The following CNTNAP4 variants were observed in gnomAD, a reference collection of about 807,000 sequenced individuals.
The protein encoded by CNTNAP4 is contactin associated protein family member 4.
A neutral mutation model predicts 148.4 loss-of-function variants in CNTNAP4; 98 were observed. The ratio of observed to expected loss-of-function variants is 0.66; its 90% confidence interval spans 0.56 to 0.78. The LOEUF is 0.78. Among genes scored for constraint, CNTNAP4 ranks in the 30% least tolerant of loss-of-function variants. CNTNAP4 has a pLI of 0.00. For synonymous variants in CNTNAP4, 730 were observed against 565.1 expected, an observed-to-expected ratio of 1.29 and a Z score of -4.14; for missense variants, 1,935 against 1,565.6, an observed-to-expected ratio of 1.24 and a Z score of -3.98.
intron 3 of CNTNAP4, among the ~76,000 whole-genome samples, chr16:76,410,631 A>G (rs2078759465): frequency 6.6e-6 from 1 of 151,728 alleles, no homozygotes; most frequent in South Asian, 2.1e-4. Context: ...GAATAGGTTA[A>G]GCCCTGATTA....
intron 3 of CNTNAP4, among the ~76,000 whole-genome samples, chr16:76,358,032 T>C (rs913787432): frequency 6.6e-6 from 1 of 152,138 alleles, no homozygotes; most frequent in Non-Finnish European, 1.5e-5. Context: ...ATCAAAAGTT[T>C]ATGTTAACTC....
chr16:76,297,028 G>A (rs1959381482), intron 1 of CNTNAP4, among the ~76,000 whole-genome samples: 1 of 152,144 alleles, frequency 6.6e-6, no homozygotes, highest in African/African-American at 2.4e-5. Flanking sequence ...ACTCAACAAA[G>A]TTGTAAAGAA....
chr16:76,327,420 T>C (rs904704136), intron 2 of CNTNAP4, among the ~76,000 whole-genome samples: 9 of 152,236 alleles, frequency 5.9e-5, no homozygotes, highest in African/African-American at 1.9e-4. Context: ...TTCCATGGTG[T>C]GTATATACGA....
chr16:76,473,842 T>G (rs1174631280), intron 10 of CNTNAP4, among the ~76,000 whole-genome samples: 1 of 1,612 alleles, frequency 6.2e-4, no homozygotes, highest in African/African-American at 7.0e-4. Context: ...TTTTGTAGGT[T>G]TTTTTTTTGT....
At chr16:76,504,820 A>G (rs1284380106) in intron 15 of CNTNAP4, among the ~76,000 whole-genome samples, 1 of 152,194 alleles carries the variant, frequency 6.6e-6, no homozygotes, top group Non-Finnish European at 1.5e-5. Flanking sequence ...TACACATCAC[A>G]GAAAAAATAT....
At chr16:76,441,445 C>A (rs760831542) in intron 4 of CNTNAP4, among the ~76,000 whole-genome samples, 1 of 152,088 alleles carries the variant, frequency 6.6e-6, no homozygotes, top group African/African-American at 2.4e-5. Context: ...CCTACGGGCA[C>A]AGGGAGAATT....
intron 17 of CNTNAP4, among the ~76,000 whole-genome samples, chr16:76,522,728 T>C (rs1041828759): frequency 0.014 from 1,257 of 88,660 alleles, 133 homozygotes; most frequent in Admixed American, 0.04. Context: ...TTTCTTTTCT[T>C]TTCTTTTCTT....
At chr16:76,318,374 A>G (rs1869732350) in intron 2 of CNTNAP4, among the ~76,000 whole-genome samples, 1 of 152,164 alleles carries the variant, frequency 6.6e-6, no homozygotes, top group African/African-American at 2.4e-5. Flanking sequence ...ATTAATTTAT[A>G]TACTCATCAG....
In CNTNAP4 at chr16:76,364,663, G is replaced by T. The variant is rs148510017; in HGVS notation, c.390+9152G>T. On this transcript the variant is annotated intron_variant, in intron 3 of 23. Transcript: ENST00000611870. ...TTTGCATTTTTCAATCTTGGAAGCAGTTCTGTTCCTTTGAAGTGTTTCTTC... is the reference window on the plus strand; with the variant it reads ...TTTGCATTTTTCAATCTTGGAAGCATTTCTGTTCCTTTGAAGTGTTTCTTC... 6.9e-3 allele frequency among the ~76,000 whole-genome samples: 1,046 copies of T among 152,246 alleles called. 7 individuals carry two copies. The highest frequency in any genetic ancestry group is 0.013 in the Admixed American group (203 of 15,280).
chr16:76,291,737 C>G (rs1184308654), intron 1 of CNTNAP4, among the ~76,000 whole-genome samples: 1 of 152,138 alleles, frequency 6.6e-6, no homozygotes, highest in Non-Finnish European at 1.5e-5. Context: ...ATAAAGCAAA[C>G]AAACAATAAT....
chr16:76,361,173 T>A (rs1597318115), intron 3 of CNTNAP4, among the ~76,000 whole-genome samples: 1 of 152,132 alleles, frequency 6.6e-6, no homozygotes, highest in East Asian at 1.9e-4. Context: ...TCTAACGTCT[T>A]GACAAATTTT....
chr16:76,523,456 A>G (rs1195823044), intron 17 of CNTNAP4, among the ~76,000 whole-genome samples: 1 of 151,636 alleles, frequency 6.6e-6, no homozygotes, highest in Non-Finnish European at 1.5e-5. Context: ...AAATCCATTC[A>G]TGTGGCATTT....
chr16:76,505,667 C>G (rs1470907651), intron 15 of CNTNAP4, among the ~76,000 whole-genome samples: 2 of 97,474 alleles, frequency 2.1e-5, no homozygotes, highest in African/African-American at 5.1e-5. Context: ...TAAATGATGT[C>G]TTATTCAACA....
chr16:76,314,763 A>T (rs1042802281), intron 1 of CNTNAP4, among the ~76,000 whole-genome samples: 2 of 152,110 alleles, frequency 1.3e-5, no homozygotes, highest in Non-Finnish European at 2.9e-5. Context: ...CTCACTCAAG[A>T]TGGTGTCACT....
chr16:76,558,885 A>T lies in CNTNAP4; in HGVS notation c.*202A>T. ...CATAGCATTCATTCTATGGAACAAG[A>T]AATTAGATATTGCTGTTAATTTTCA... is the stretch of plus-strand genomic sequence containing the variant. On this transcript the variant is annotated 3_prime_UTR_variant, in exon 24 of 24. Coordinates refer to ENST00000611870, the MANE Select transcript of CNTNAP4 (RefSeq NM_033401.5). 1 of 432,552 alleles carries T rather than the reference A, an allele frequency of 2.3e-6. No homozygotes were observed. Among genetic ancestry groups the T allele is most frequent in the Non-Finnish European group, 4.1e-6 (1 of 245,226 alleles). The allele number at this position is 432,552 out of a possible 1,614,324, so 26.8% of individuals were successfully genotyped here. A position where few individuals can be genotyped will look rare whatever the true frequency, so the allele number is the denominator to read the frequency against.
rs1452461503 is a variant in CNTNAP4 at position 76,507,807 on chromosome 16, G to A, written c.2365+9113G>A. Among the ~76,000 whole-genome samples, 2 of 97,346 alleles carry A rather than the reference G, an allele frequency of 2.1e-5. 1 individual carries two copies. Among genetic ancestry groups the A allele is most frequent in the Non-Finnish European group, 5.8e-5 (2 of 34,284 alleles). The allele number at this position is 97,346 out of a possible 152,430, so 63.9% of individuals were successfully genotyped here. A position where few individuals can be genotyped will look rare whatever the true frequency, so the allele number is the denominator to read the frequency against. On this transcript the variant is annotated intron_variant, in intron 15 of 23. Coordinates refer to ENST00000611870, the MANE Select transcript of CNTNAP4 (RefSeq NM_033401.5). ...GACACACAGCAAGAAGAAGTCTACAGAGACTTTGTGCTACTTCAGTGAATC... is the reference window on the plus strand; with the variant it reads ...GACACACAGCAAGAAGAAGTCTACAAAGACTTTGTGCTACTTCAGTGAATC...
At chr16:76,361,777 C>T (rs1273674106) in intron 3 of CNTNAP4, among the ~76,000 whole-genome samples, 1 of 152,158 alleles carries the variant, frequency 6.6e-6, no homozygotes, top group Non-Finnish European at 1.5e-5. Context: ...TTTTAAATTT[C>T]TACCAACTAT....
chr16:76,315,045 G>T (rs1449545284), intron 1 of CNTNAP4, among the ~76,000 whole-genome samples: 2 of 152,014 alleles, frequency 1.3e-5, no homozygotes, highest in African/African-American at 4.8e-5. Context: ...CCTCAAAAAT[G>T]TCGCTTCTAA....
At chr16:76,391,863 C>T (rs2144770102) in intron 3 of CNTNAP4, among the ~76,000 whole-genome samples, 1 of 152,284 alleles carries the variant, frequency 6.6e-6, no homozygotes, top group Non-Finnish European at 1.5e-5. Flanking sequence ...TTAATACGAT[C>T]CCTGGGTAAT....
Sources: gnomAD v4.1 joint callset for allele counts (sites outside exome capture counted in the v4.1 genomes callset) on GRCh38, gnomAD v4.1.1 for gene constraint, MANE v1.5 for transcripts, NCBI Gene and HGNC (gene_info 2026-07-23, HGNC 2026-07-21) for gene names.